SLC25A48: variants seen among roughly 807,000 people sequenced by gnomAD.
SLC25A48 encodes CTC-321K16.1.
In SLC25A48, 29 loss-of-function variants were observed where a neutral mutation model predicts 32.2. That is an observed-to-expected ratio of 0.90 (90% CI 0.67 to 1.23). The LOEUF (loss-of-function observed/expected upper bound fraction) is 1.23. Among genes scored for constraint, SLC25A48 ranks in the 50% most tolerant of loss-of-function variants. The pLI is 0.00. For synonymous variants in SLC25A48, 164 were observed against 172.3 expected (o/e 0.95, Z 0.38); for missense variants, 399 against 422.7 (o/e 0.94, Z 0.49).
chr5:135,841,034 A>C (rs1419935444), intron 1 of SLC25A48, among the ~76,000 whole-genome samples: 1 of 152,246 alleles, frequency 6.6e-6, no homozygotes, highest in Non-Finnish European at 1.5e-5. Flanking sequence ...CATTTCTACC[A>C]GCAATGTACA....
chr5:135,881,444 C>T (rs999780489), intron 7 of SLC25A48, among the ~76,000 whole-genome samples: 3 of 152,232 alleles, frequency 2.0e-5, no homozygotes, highest in African/African-American at 7.2e-5. Flanking sequence ...CAGAAGCTGG[C>T]TTCAAATAAA....
chr5:135,631,033 A>G (rs537250701), intron 2 of SLC25A48, among the ~76,000 whole-genome samples: 33 of 152,278 alleles, frequency 2.2e-4, no homozygotes, highest in Admixed American at 1.1e-3. Flanking sequence ...GAATATGCCA[A>G]AGCCTTTGAG....
chr5:135,601,917 A>G (rs1388441266), intron 1 of SLC25A48, among the ~76,000 whole-genome samples: 1 of 152,174 alleles, frequency 6.6e-6, no homozygotes, highest in Non-Finnish European at 1.5e-5. Flanking sequence ...TCTTCTTTTT[A>G]TAAAACATGG....
At chr5:135,759,551 C>G (rs1256030645) in intron 3 of SLC25A48, among the ~76,000 whole-genome samples, 1 of 152,142 alleles carries the variant, frequency 6.6e-6, no homozygotes, top group East Asian at 1.9e-4. Flanking sequence ...CTGAATAAGT[C>G]ATACAGGGAT....
chr5:135,861,615 T>C (rs1193267907), intron 4 of SLC25A48, among the ~76,000 whole-genome samples: 3 of 152,250 alleles, frequency 2.0e-5, no homozygotes, highest in Non-Finnish European at 1.5e-5. Context: ...TATTTAACAA[T>C]CTTCCTAATG....
At chr5:135,762,725 AAT>A (rs1353154267) in intron 3 of SLC25A48, among the ~76,000 whole-genome samples, 1 of 152,040 alleles carries the variant, frequency 6.6e-6, no homozygotes, top group Admixed American at 6.6e-5. Context: ...GTGTAAGTTG[AAT>A]ATGAGTGTGT....
chr5:135,661,539 AC>A (rs1427140862), intron 3 of SLC25A48, among the ~76,000 whole-genome samples: 3 of 152,110 alleles, frequency 2.0e-5, no homozygotes, highest in Non-Finnish European at 4.4e-5. Flanking sequence ...CCCACAAAAA[AC>A]ATGGCCTCCT....
intron 3 of SLC25A48, among the ~76,000 whole-genome samples, chr5:135,677,676 A>G: frequency 6.6e-6 from 1 of 151,856 alleles, no homozygotes; most frequent in Non-Finnish European, 1.5e-5. Context: ...CAGGTTTAGG[A>G]CTCCCTTGAG....
At chr5:135,759,354 T>C (rs1756004990) in intron 3 of SLC25A48, among the ~76,000 whole-genome samples, 1 of 152,206 alleles carries the variant, frequency 6.6e-6, no homozygotes, top group Non-Finnish European at 1.5e-5. Context: ...TACTCCATGG[T>C]ACGGATGTAC....
In SLC25A48 at chr5:135,874,011, C is replaced by T; in HGVS notation, c.680-10C>T. The T allele has an allele frequency of 1.3e-6, 2 of 1,530,682 alleles. No homozygotes were observed. The highest frequency in any genetic ancestry group is 1.7e-6 in the Non-Finnish European group (2 of 1,145,010). The allele number at this position is 1,530,682 out of a possible 1,614,324, so 94.8% of individuals were successfully genotyped here. A position where few individuals can be genotyped will look rare whatever the true frequency, so the allele number is the denominator to read the frequency against. On this transcript the variant is annotated splice_polypyrimidine_tract_variant and intron_variant, in intron 5 of 7. Coordinates refer to ENST00000681962, the MANE Select transcript of SLC25A48 (RefSeq NM_001349336.2). ...GCTAGCCCCTGACACCTGTTTCTTTCTCTTTGCAGGAGCAATTTCTTGGGG... is the reference window on the plus strand; with the variant it reads ...GCTAGCCCCTGACACCTGTTTCTTTTTCTTTGCAGGAGCAATTTCTTGGGG...
chr5:135,640,383 T>G (rs747710458), intron 3 of SLC25A48, among the ~76,000 whole-genome samples: 1 of 152,190 alleles, frequency 6.6e-6, no homozygotes, highest in Non-Finnish European at 1.5e-5. Flanking sequence ...TTTCCCAAAT[T>G]TTTTGGAAAA....
chr5:135,876,154 T>A, intron 6 of SLC25A48: 1 of 140,736 alleles, frequency 7.1e-6, no homozygotes, highest in African/African-American at 2.6e-5. Context: ...TTTTTTTTTT[T>A]TTTTTTTAGC....
At chr5:135,854,460 C>T (rs1300320712) in intron 4 of SLC25A48, among the ~76,000 whole-genome samples, 1 of 152,256 alleles carries the variant, frequency 6.6e-6, no homozygotes, top group Non-Finnish European at 1.5e-5. Flanking sequence ...TCTACATCAG[C>T]ACTTGCTGCT....
At chr5:135,728,565 G>T (rs1755147160) in intron 3 of SLC25A48, among the ~76,000 whole-genome samples, 2 of 151,888 alleles carry the variant, frequency 1.3e-5, no homozygotes, top group Non-Finnish European at 2.9e-5. Flanking sequence ...TAAATTTCTT[G>T]TTTGTGTATT....
intron 1 of SLC25A48, among the ~76,000 whole-genome samples, chr5:135,618,039 T>C (rs1193669609): frequency 6.6e-6 from 1 of 151,224 alleles, no homozygotes; most frequent in Non-Finnish European, 1.5e-5. Flanking sequence ...TATTATTGTA[T>C]TGAAGTCTGT....
intron 1 of SLC25A48, among the ~76,000 whole-genome samples, chr5:135,614,923 C>G (rs111732703): frequency 0.02 from 3,020 of 152,226 alleles, 95 homozygotes; most frequent in African/African-American, 0.068. Context: ...GTAGCACCTC[C>G]CCCTTTTGTC....
At chr5:135,826,531 A>G (rs1758060132) in intron 4 of SLC25A48, 1 of 152,228 alleles carries the variant, frequency 6.6e-6, no homozygotes, top group Non-Finnish European at 1.5e-5. Flanking sequence ...AGACACCCAG[A>G]AGCTGGTTTT....
intron 3 of SLC25A48, among the ~76,000 whole-genome samples, chr5:135,785,410 A>G (rs959881861): frequency 4.7e-5 from 7 of 150,354 alleles, no homozygotes; most frequent in African/African-American, 1.7e-4. Context: ...CCAGTGGGGG[A>G]AAGGGTGATA....
At chr5:135,642,251 G>A (rs1268898196) in intron 3 of SLC25A48, among the ~76,000 whole-genome samples, 1 of 152,200 alleles carries the variant, frequency 6.6e-6, no homozygotes, top group African/African-American at 2.4e-5. Flanking sequence ...TTCTCTGATG[G>A]TGCTGATTAC....
Sources: gnomAD v4.1 joint callset for allele counts (sites outside exome capture counted in the v4.1 genomes callset) on GRCh38, gnomAD v4.1.1 for gene constraint, MANE v1.5 for transcripts, NCBI Gene and HGNC (gene_info 2026-07-23, HGNC 2026-07-21) for gene names.